The following EHBP1 variants were observed in gnomAD, a reference collection of about 807,000 sequenced individuals.
EHBP1 encodes EH domain binding protein 1.
A neutral mutation model predicts 144.0 loss-of-function variants in EHBP1; 55 were observed. That is an observed-to-expected ratio of 0.38 (90% CI 0.31 to 0.48). EHBP1 has a LOEUF of 0.48. Ranked by LOEUF, EHBP1 falls within the 20% of genes least tolerant of loss-of-function variation. The pLI is 0.98. For synonymous variants in EHBP1, 469 were observed against 472.7 expected (o/e 0.99, Z 0.10); for missense variants, 1,200 against 1,364.2 (o/e 0.88, Z 1.90).
At chr2:62,740,226 AC>A (rs1004571618) in intron 2 of EHBP1, among the ~76,000 whole-genome samples, 35 of 152,308 alleles carry the variant, frequency 2.3e-4, no homozygotes, top group African/African-American at 7.9e-4. Context: ...AAGTAAAAAA[AC>A]AAAGTATTTT....
At chr2:62,948,230 A>G (rs537152254) in intron 12 of EHBP1, 30 bp from the exon 13 acceptor site, 1 of 1,514,034 alleles carries the variant, frequency 6.6e-7, no homozygotes, top group East Asian at 2.3e-5. Context: ...GAACTGTTCA[A>G]TATATCTTTT....
At chr2:62,705,573 A>ACTCC (rs2034464991), upstream of EHBP1, 1 of 151,988 alleles carries the variant, frequency 6.6e-6, no homozygotes, top group Non-Finnish European at 1.5e-5. Flanking sequence ...GGCAAGGCGG[A>ACTCC]GCCCCTGTGA....
At chr2:62,711,287 A>G (rs1214898285) in intron 2 of EHBP1, among the ~76,000 whole-genome samples, 2 of 152,208 alleles carry the variant, frequency 1.3e-5, no homozygotes, top group African/African-American at 4.8e-5. Flanking sequence ...GTAGCTGGAT[A>G]ATAAATTTTT....
intron 10 of EHBP1, among the ~76,000 whole-genome samples, chr2:62,892,109 T>G (rs560616146): frequency 6.6e-6 from 1 of 152,290 alleles, no homozygotes; most frequent in Admixed American, 6.5e-5. Flanking sequence ...ATTTACATCA[T>G]AATTGTTTAT....
chr2:62,696,162 C>CTT (rs2034080369), intron 1 of EHBP1, among the ~76,000 whole-genome samples: 5 of 136,442 alleles, frequency 3.7e-5, no homozygotes, highest in Non-Finnish European at 8.0e-5. Context: ...CTCTCTCTCT[C>CTT]TCTCTTTCTT....
At chr2:62,754,055 G>T (rs1177041428) in intron 3 of EHBP1, among the ~76,000 whole-genome samples, 1 of 152,200 alleles carries the variant, frequency 6.6e-6, no homozygotes, top group Non-Finnish European at 1.5e-5. Context: ...TTCCTTTGGA[G>T]GGGGAGAGGT....
At chr2:62,713,082 A>G (rs779100234) in intron 2 of EHBP1, among the ~76,000 whole-genome samples, 31 of 152,182 alleles carry the variant, frequency 2.0e-4, no homozygotes, top group Non-Finnish European at 4.3e-4. Context: ...TTAGTATATA[A>G]CCATGAGAGT....
chr2:62,893,236 C>T (rs1573935787), intron 10 of EHBP1, among the ~76,000 whole-genome samples: 1 of 152,264 alleles, frequency 6.6e-6, no homozygotes, highest in South Asian at 2.1e-4. Flanking sequence ...TTCAAAACAA[C>T]ATTTTCTTTG....
intron 5 of EHBP1, among the ~76,000 whole-genome samples, chr2:62,824,132 A>G (rs1228473476): frequency 2.6e-5 from 4 of 152,096 alleles, no homozygotes; most frequent in Admixed American, 1.3e-4. Flanking sequence ...TGAAATTGGC[A>G]GAATATGATA....
chr2:62,707,215 G>A lies in EHBP1; in HGVS notation c.24G>A (p.Leu8=), dbSNP rs1187679824. 4 of 1,614,090 alleles carry A rather than the reference G, an allele frequency of 2.5e-6. No homozygotes were observed. Among genetic ancestry groups the A allele is most frequent in the Non-Finnish European group, 3.4e-6 (4 of 1,180,012 alleles). Reference sequence around the variant, plus strand: ...TCATGGCTTCAGTTTGGAAGAGACTGCAGCGTGTGGGAAAACATGCATCCA... The same window carrying A: ...TCATGGCTTCAGTTTGGAAGAGACTACAGCGTGTGGGAAAACATGCATCCA... MASVWKR[L]QRVGKHASKF... Residue 8 remains leucine (L), a synonymous_variant, in exon 2 of 23, where the codon CTG becomes CTA. Coordinates refer to ENST00000431489, the MANE Select transcript of EHBP1 (RefSeq NM_001142616.3).
rs1004399644 is a variant in EHBP1 at position 62,838,680 on chromosome 2, A to G, written c.634+7522A>G. Among the ~76,000 whole-genome samples, 560 of 151,782 alleles carry G rather than the reference A, an allele frequency of 3.7e-3. 3 individuals carry two copies. Among genetic ancestry groups the G allele is most frequent in the Non-Finnish European group, 6.4e-3 (433 of 67,758 alleles). On this transcript the variant is annotated intron_variant, in intron 7 of 22. Transcript: ENST00000431489. ...GGATATCACCACCGATCCCACAGAA[A>G]TACAAACTACCATCAAAGAATACTA...
chr2:63,010,043 A>AG (rs2060205646), intron 19 of EHBP1, among the ~76,000 whole-genome samples: 1 of 151,512 alleles, frequency 6.6e-6, no homozygotes, highest in South Asian at 2.1e-4. Flanking sequence ...GTAAGTGATA[A>AG]GGGGGGACTA....
At chr2:62,878,164 T>C (rs1169964886) in intron 10 of EHBP1, among the ~76,000 whole-genome samples, 1 of 151,816 alleles carries the variant, frequency 6.6e-6, no homozygotes, top group Non-Finnish European at 1.5e-5. Context: ...CCCATAGAAA[T>C]AGGAAAAACA....
intron 10 of EHBP1, among the ~76,000 whole-genome samples, chr2:62,915,415 T>G (rs1468261292): frequency 6.6e-6 from 1 of 152,140 alleles, no homozygotes; most frequent in Non-Finnish European, 1.5e-5. Flanking sequence ...AGACTTAATC[T>G]GAACAGTAAA....
intron 19 of EHBP1, among the ~76,000 whole-genome samples, chr2:63,028,061 C>T (rs2061062475): frequency 6.6e-6 from 1 of 151,940 alleles, no homozygotes; most frequent in Non-Finnish European, 1.5e-5. Context: ...CCACACCTGG[C>T]CTTTAACAGT....
upstream of EHBP1, among the ~76,000 whole-genome samples, chr2:62,702,740 T>C (rs900205844): frequency 3.3e-5 from 5 of 152,246 alleles, no homozygotes; most frequent in South Asian, 4.1e-4. Context: ...CAAGTATTCT[T>C]GAAGGTCTGT....
chr2:62,834,838 A>C (rs1367967925), intron 7 of EHBP1, among the ~76,000 whole-genome samples: 1 of 152,322 alleles, frequency 6.6e-6, no homozygotes, highest in African/African-American at 2.4e-5. Flanking sequence ...CACTTTTCAT[A>C]TATGTGGGTT....
chr2:62,951,534 T>TGGGGGG (rs70962799), intron 13 of EHBP1, among the ~76,000 whole-genome samples: 2 of 92,330 alleles, frequency 2.2e-5, no homozygotes, highest in African/African-American at 4.2e-5. Flanking sequence ...TTTTTTTTTT[T>TGGGGGG]GGGGGGGGGG....
chr2:62,773,850 C>CAAAAAAAA lies in EHBP1; in HGVS notation c.312+2486_312+2493dup. 5.0e-3 allele frequency among the ~76,000 whole-genome samples: 209 copies of CAAAAAAAA among 41,536 alleles called. 7 individuals are homozygous for CAAAAAAAA. The highest frequency in any genetic ancestry group is 6.5e-3 in the Non-Finnish European group (157 of 24,260). 27.2% of individuals were successfully genotyped at this position (41,536 alleles called of 152,430 possible). A position where few individuals can be genotyped will look rare whatever the true frequency, so the allele number is the denominator to read the frequency against. ...TAGGTGATACAGCAAGACTCCATCT[C>CAAAAAAAA]AAAAAAAAAAAAAAAAAAAAAAAAA... On this transcript the variant is annotated intron_variant, in intron 5 of 22. Transcript: ENST00000431489.
Sources: allele counts gnomAD v4.1 joint callset (sites outside exome capture counted in the v4.1 genomes callset), GRCh38; gene constraint gnomAD v4.1.1; transcripts MANE v1.5; gene names NCBI Gene and HGNC (gene_info 2026-07-23, HGNC 2026-07-21).